Variants in CNGB1 observed in about 807,000 individuals in gnomAD.
CNGB1 encodes cyclic nucleotide gated channel subunit beta 1.
In CNGB1, 126 loss-of-function variants were observed where a neutral mutation model predicts 151.7. The observed-to-expected ratio is 0.83, with a 90% CI of 0.72 to 0.96. The LOEUF (loss-of-function observed/expected upper bound fraction) is 0.96, where lower values mean the gene tolerates loss of function less well. Ranked by LOEUF, CNGB1 falls within the 40% of genes least tolerant of loss-of-function variation. CNGB1 has a pLI of 0.00. For missense variants in CNGB1, 1,698 were observed against 1,627.0 expected (o/e 1.04, Z -0.75); for synonymous variants, 623 against 635.1 (o/e 0.98, Z 0.29).
intron 14 of CNGB1, among the ~76,000 whole-genome samples, chr16:57,946,002 C>A (rs1328665894): frequency 6.6e-6 from 1 of 152,178 alleles, no homozygotes; most frequent in Non-Finnish European, 1.5e-5. Flanking sequence ...TGTCTAGGGG[C>A]CATGTTACCA....
At chr16:57,931,589 C>T (rs2061005096) in intron 17 of CNGB1, 127 bp downstream of exon 17, 2 of 1,123,366 alleles carry the variant, frequency 1.8e-6, no homozygotes, top group African/African-American at 3.1e-5. Context: ...CATAGTCCCA[C>T]TTCTGACACC....
chr16:57,904,969 T>C, intron 25 of CNGB1, 94 bp from the exon 26 acceptor site: 1 of 1,502,470 alleles, frequency 6.7e-7, no homozygotes. Context: ...AGATGCATGT[T>C]GTGCAAAAGA....
intron 31 of CNGB1, among the ~76,000 whole-genome samples, chr16:57,890,809 A>G (rs1158093590): frequency 1.3e-5 from 2 of 152,150 alleles, no homozygotes; most frequent in Non-Finnish European, 2.9e-5. Flanking sequence ...ATCTCCCCTG[A>G]TGAGCAGAGC....
Position 57,897,492 on chromosome 16 carries a change from G to A in CNGB1, c.3147C>T (p.His1049=), listed in dbSNP as rs200581517. The change falls in exon 31 of 33, where the codon CAC becomes CAT. Residue 1049 remains histidine (H), a synonymous_variant. Transcript: ENST00000251102. ...GNRRTANVVA[H]GFTNLFILDK... ...CCAGGATGAAGAGGTTGGTAAACCCGTGCGCCACCACGTTGGCCGTGCGCC... is the reference window on the plus strand; with the variant it reads ...CCAGGATGAAGAGGTTGGTAAACCCATGCGCCACCACGTTGGCCGTGCGCC... 2.1e-3 allele frequency: 3,326 copies of A among 1,614,072 alleles called. 13 individuals are homozygous for A. Among genetic ancestry groups the A allele is most frequent in the Non-Finnish European group, 1.9e-3 (2,254 of 1,179,984 alleles).
intron 14 of CNGB1, among the ~76,000 whole-genome samples, chr16:57,947,097 G>T (rs1352199876): frequency 6.6e-6 from 1 of 152,238 alleles, no homozygotes; most frequent in African/African-American, 2.4e-5. Context: ...GTACATGTAA[G>T]TGTGTGCATA....
intron 32 of CNGB1, among the ~76,000 whole-genome samples, chr16:57,885,726 TGGGATTACAG>T (rs1959913494): frequency 1.3e-5 from 2 of 152,204 alleles, no homozygotes; most frequent in African/African-American, 4.8e-5. Flanking sequence ...CCCGAGTAGC[TGGGATTACAG>T]GTGTGTGCCA....
chr16:57,902,932 G>A (rs1291486752), intron 27 of CNGB1, among the ~76,000 whole-genome samples: 4 of 152,174 alleles, frequency 2.6e-5, no homozygotes, highest in Non-Finnish European at 5.9e-5. Context: ...CCCAAGAGGT[G>A]CCCTACTATA....
intron 14 of CNGB1, among the ~76,000 whole-genome samples, chr16:57,945,138 AGGTGGGCCT>A (rs1961774017): frequency 6.6e-6 from 1 of 152,150 alleles, no homozygotes; most frequent in African/African-American, 2.4e-5. Context: ...CGCCTGTGCA[AGGTGGGCCT>A]GGATAAGATA....
chr16:57,930,527 A>T (rs1003100812), intron 17 of CNGB1, among the ~76,000 whole-genome samples: 2 of 90,806 alleles, frequency 2.2e-5, no homozygotes, highest in African/African-American at 9.4e-5. Context: ...AGGGAAGGAG[A>T]GGGGAAGAGA....
chr16:57,919,323 T>A, intron 19 of CNGB1, 69 bp from the exon 20 acceptor site: 1 of 1,611,312 alleles, frequency 6.2e-7, no homozygotes, highest in Non-Finnish European at 8.5e-7. Context: ...GAGAGAAGGG[T>A]CCCAACTGCA....
At chr16:57,921,397 G>T (rs1961032614) in intron 18 of CNGB1, among the ~76,000 whole-genome samples, 1 of 151,778 alleles carries the variant, frequency 6.6e-6, no homozygotes, top group Non-Finnish European at 1.5e-5. Context: ...AATTTTTGTA[G>T]TTTTAGTAGA....
rs942103010 is a variant in CNGB1 at position 57,919,459 on chromosome 16, T to G, written c.1802-205A>C. ...ACCCTCCTCAACAGCAACAGCAACC[T>G]GGGTGCCCACCCAGAAGTTCTTACC... On this transcript the variant is annotated intron_variant, in intron 19 of 32. Transcript: ENST00000251102. Among the ~76,000 whole-genome samples the G allele has an allele frequency of 3.3e-5, 5 of 152,196 alleles. No homozygotes were observed. The East Asian group carries it at 7.7e-4, about 23-fold the overall frequency.
chr16:57,948,432 G>A (rs3848260), intron 14 of CNGB1, among the ~76,000 whole-genome samples: 35,068 of 151,570 alleles, frequency 0.23, 4,186 homozygotes, highest in Middle Eastern at 0.29. Context: ...TGGGATTACA[G>A]GCGTGAGCCA....
Position 57,884,457 on chromosome 16 carries a change from C to G in CNGB1, c.3463G>C (p.Ala1155Pro). ...CCCTTGACGTCTTGCGAGCTCTTGG[C>G]CTGGAATCCAGAAAGGGTGACTCGT... ...AAKQQELVEQ[A>P]KSSQDVKGEE... The change falls in exon 33 of 33, where the codon GCC becomes CCC. Residue 1155 changes from alanine to proline, a missense_variant and splice_region_variant. Transcript: ENST00000251102. 1 of 1,613,436 alleles carries G rather than the reference C, an allele frequency of 6.2e-7. No homozygotes were observed. Among genetic ancestry groups the G allele is most frequent in the Non-Finnish European group, 8.5e-7 (1 of 1,179,790 alleles).
At chr16:57,908,709 C>T (rs1596967712) in intron 25 of CNGB1, among the ~76,000 whole-genome samples, 1 of 152,318 alleles carries the variant, frequency 6.6e-6, no homozygotes, top group African/African-American at 2.4e-5. Flanking sequence ...ATCCCTCGTC[C>T]CTCAAGCCTC....
intron 16 of CNGB1, among the ~76,000 whole-genome samples, chr16:57,938,396 C>T (rs1961569231): frequency 2.0e-5 from 3 of 152,206 alleles, no homozygotes; most frequent in Admixed American, 1.3e-4. Flanking sequence ...AGTCCCATTT[C>T]AACCACTCGC....
intron 8 of CNGB1, 144 bp downstream of exon 8, chr16:57,960,696 A>T (rs1277838445): frequency 8.1e-7 from 1 of 1,236,324 alleles, no homozygotes; most frequent in Non-Finnish European, 1.2e-6. Flanking sequence ...ACTCCTCCCC[A>T]TAGAGGACTC....
intron 31 of CNGB1, among the ~76,000 whole-genome samples, chr16:57,895,739 A>G (rs1357669407): frequency 2.0e-5 from 3 of 152,036 alleles, no homozygotes; most frequent in Non-Finnish European, 4.4e-5. Flanking sequence ...GGCCATTTCC[A>G]GGATACTGCA....
chr16:57,903,862 C>T lies in CNGB1; in HGVS notation c.2754G>A (p.Lys918=). ...KIPKSVQNRV[K]TWYEYTWHSQ... ...AGTGCCAGGTGTACTCGTACCAGGT[C>T]TTGACGCGGTTCTGCACGGACTTGG... The change falls in exon 27 of 33, where the codon AAG becomes AAA. Residue 918 remains lysine (K), a synonymous_variant. Transcript: ENST00000251102. 1 of 1,614,200 alleles carries T rather than the reference C, an allele frequency of 6.2e-7. No homozygotes were observed. The highest frequency in any genetic ancestry group is 1.1e-5 in the South Asian group (1 of 91,084).
Sources: allele counts gnomAD v4.1 joint callset (sites outside exome capture counted in the v4.1 genomes callset), GRCh38; gene constraint gnomAD v4.1.1; transcripts MANE v1.5; gene names NCBI Gene and HGNC (gene_info 2026-07-23, HGNC 2026-07-21).